DIP2C: variants seen among roughly 807,000 people sequenced by gnomAD.
DIP2C encodes disco-interacting protein 2 homolog C.
In DIP2C, 33 loss-of-function variants were observed where a neutral mutation model predicts 192.4. That is an observed-to-expected ratio of 0.17 (90% CI 0.13 to 0.23). The LOEUF (loss-of-function observed/expected upper bound fraction) is 0.23. Among genes scored for constraint, DIP2C ranks in the 10% least tolerant of loss-of-function variants. The probability of loss-of-function intolerance (pLI) is 1.00; values close to 1 mark genes in which losing one functional copy is unlikely to be tolerated. For missense variants in DIP2C, 1,537 were observed against 2,110.1 expected, an observed-to-expected ratio of 0.73 and a Z score of 5.32; for synonymous variants, 979 against 864.1, an observed-to-expected ratio of 1.13 and a Z score of -2.33.
chr10:353,741 G>C (rs1453036589), intron 24 of DIP2C, among the ~76,000 whole-genome samples: 1 of 152,218 alleles, frequency 6.6e-6, no homozygotes, highest in Non-Finnish European at 1.5e-5. Context: ...TTCATCATCA[G>C]CAGAAACGTG....
At chr10:656,991 T>G (rs945942296) in intron 1 of DIP2C, among the ~76,000 whole-genome samples, 1 of 152,162 alleles carries the variant, frequency 6.6e-6, no homozygotes, top group Admixed American at 6.5e-5. Flanking sequence ...CTTTAAAAAA[T>G]GCAAGGGAGT....
At chr10:676,292 C>T (rs557574777) in intron 1 of DIP2C, among the ~76,000 whole-genome samples, 16 of 152,146 alleles carry the variant, frequency 1.1e-4, no homozygotes, top group Admixed American at 6.5e-4. Flanking sequence ...TGTGACAAAC[C>T]CACAGCTAAC....
At chr10:580,798 A>C (rs915784650) in intron 1 of DIP2C, among the ~76,000 whole-genome samples, 6 of 152,220 alleles carry the variant, frequency 3.9e-5, no homozygotes, top group Non-Finnish European at 8.8e-5. Context: ...TTCATGAATA[A>C]AGCTAGTGAC....
At chr10:307,548 G>A (rs1157523363) in intron 32 of DIP2C, among the ~76,000 whole-genome samples, 4 of 152,202 alleles carry the variant, frequency 2.6e-5, no homozygotes, top group Non-Finnish European at 5.9e-5. Context: ...GGTGGTGAGG[G>A]CATCGGAGAG....
At chr10:606,439 GA>G (rs1159445422) in intron 1 of DIP2C, among the ~76,000 whole-genome samples, 1 of 151,624 alleles carries the variant, frequency 6.6e-6, no homozygotes, top group African/African-American at 2.4e-5. Flanking sequence ...CATTGGTTGG[GA>G]AGGGGATCTC....
At chr10:619,424 C>T (rs1853693015) in intron 1 of DIP2C, among the ~76,000 whole-genome samples, 2 of 151,544 alleles carry the variant, frequency 1.3e-5, no homozygotes, top group African/African-American at 4.9e-5. Context: ...TCCCCTGGTC[C>T]TTATGGCACC....
At chr10:423,974 A>G (rs956742716) in intron 4 of DIP2C, among the ~76,000 whole-genome samples, 4 of 152,224 alleles carry the variant, frequency 2.6e-5, no homozygotes, top group Admixed American at 1.3e-4. Flanking sequence ...GATTATAACA[A>G]AATACATCAA....
rs183180697 is a variant in DIP2C, at chr10:661,457, G to A, written c.85+28037C>T. On this transcript the variant is annotated intron_variant, in intron 1 of 36. Coordinates refer to ENST00000280886, the MANE Select transcript of DIP2C (RefSeq NM_014974.3). The stretch of plus-strand genomic sequence containing the variant: ...CCTGCGCTTCTCACCAGCTTCCGCC[G>A]TGACCCCCAGGCTCTGGCTGCTCCC... Among the ~76,000 whole-genome samples the A allele has an allele frequency of 1.2e-4, 19 of 152,252 alleles. 1 individual carries two copies. Among genetic ancestry groups the A allele is most frequent in the African/African-American group, 4.1e-4 (17 of 41,552 alleles).
At position 475,579 on chromosome 10, in the gene DIP2C, G is replaced by C. The variant is rs76276676; in HGVS notation, c.158-3030C>G. Among the ~76,000 whole-genome samples the C allele has an allele frequency of 2.0e-5, 3 of 152,266 alleles. No individual in the cohort carries two copies. In the East Asian group the frequency reaches 5.8e-4, roughly 29 times the overall value. ...GACCTTACATGTCTGATCTCAGAAA[G>C]CTACTTTTGCATACCATCCTCGTGA... On this transcript the variant is annotated intron_variant, in intron 2 of 36. Transcript: ENST00000280886.
At chr10:569,298 G>T (rs1849639359) in intron 1 of DIP2C, among the ~76,000 whole-genome samples, 1 of 152,186 alleles carries the variant, frequency 6.6e-6, no homozygotes, top group Admixed American at 6.5e-5. Context: ...TCTCAAGCAT[G>T]CCAGGAAAAG....
chr10:501,668 G>T (rs1845238595), intron 1 of DIP2C, among the ~76,000 whole-genome samples: 1 of 152,050 alleles, frequency 6.6e-6, no homozygotes, highest in Non-Finnish European at 1.5e-5. Context: ...AAGCAGTCCA[G>T]ACAGGCAAAA....
chr10:593,743 T>C (rs1019440571), intron 1 of DIP2C, among the ~76,000 whole-genome samples: 1 of 152,198 alleles, frequency 6.6e-6, no homozygotes, highest in East Asian at 1.9e-4. Flanking sequence ...CGACATGCAC[T>C]GACCTCCGAT....
chr10:414,701 G>A (rs1293488192), intron 7 of DIP2C, among the ~76,000 whole-genome samples: 1 of 103,256 alleles, frequency 9.7e-6, no homozygotes, highest in East Asian at 3.3e-4. Flanking sequence ...TTTAGAGTGT[G>A]TATGTATGTG....
chr10:608,104 AACACACACACCACACACACAGCCCCAAC>A (rs1852634865), intron 1 of DIP2C, among the ~76,000 whole-genome samples: 1 of 145,542 alleles, frequency 6.9e-6, no homozygotes, highest in Non-Finnish European at 1.5e-5. Flanking sequence ...CCTAAAAAGG[AACACACACACCACACACACAGCCCCAAC>A]ACACACACAG....
At chr10:333,061 C>A (rs557129039) in intron 29 of DIP2C, among the ~76,000 whole-genome samples, 1 of 152,128 alleles carries the variant, frequency 6.6e-6, no homozygotes, top group African/African-American at 2.4e-5. Context: ...TGCCACCACG[C>A]CAGGCTAATT....
chr10:498,059 T>TG lies in DIP2C; in HGVS notation c.86-11530dup, dbSNP rs540083554. The stretch of plus-strand genomic sequence containing the variant: ...GCTAACAGTGTATTTTTTGTAGAGA[T>TG]GGGGTCTTGCTGTGTTGCCCAGGCT... On this transcript the variant is annotated intron_variant, in intron 1 of 36. Transcript: ENST00000280886. Among the ~76,000 whole-genome samples, 467 of 152,226 alleles carry TG rather than the reference T, an allele frequency of 3.1e-3. 1 individual carries two copies. The highest frequency in any genetic ancestry group is 0.011 in the African/African-American group (439 of 41,558).
intron 4 of DIP2C, among the ~76,000 whole-genome samples, chr10:435,230 C>CAAA (rs1337727654): frequency 6.6e-6 from 1 of 152,090 alleles, no homozygotes; most frequent in Non-Finnish European, 1.5e-5. Context: ...TTTCCTTTTC[C>CAAA]CCAGGCCGGA....
At chr10:646,095 G>A (rs1855438362) in intron 1 of DIP2C, among the ~76,000 whole-genome samples, 1 of 152,178 alleles carries the variant, frequency 6.6e-6, no homozygotes, top group Admixed American at 6.5e-5. Context: ...CAGGTGAGGG[G>A]CCTCCAGGAA....
chr10:541,245 T>A (rs537186801), intron 1 of DIP2C, among the ~76,000 whole-genome samples: 1 of 152,280 alleles, frequency 6.6e-6, no homozygotes, highest in Non-Finnish European at 1.5e-5. Context: ...CCACTCTGGC[T>A]GAGGTGTCCT....
Sources: allele counts gnomAD v4.1 joint callset (sites outside exome capture counted in the v4.1 genomes callset), GRCh38; gene constraint gnomAD v4.1.1; transcripts MANE v1.5; gene names NCBI Gene and HGNC (gene_info 2026-07-23, HGNC 2026-07-21).